Variants in NCAM2 observed in about 807,000 individuals in gnomAD.
NCAM2 encodes N-CAM-2.
A neutral mutation model predicts 98.1 loss-of-function variants in NCAM2; 30 were observed. The observed-to-expected ratio is 0.31, with a 90% CI of 0.23 to 0.41. The LOEUF (loss-of-function observed/expected upper bound fraction) is 0.41. Ranked by LOEUF, NCAM2 falls within the 10% of genes least tolerant of loss-of-function variation. The probability of loss-of-function intolerance (pLI) is 1.00; values close to 1 mark genes in which losing one functional copy is unlikely to be tolerated. For missense variants in NCAM2, 867 were observed against 1,005.8 expected, an observed-to-expected ratio of 0.86 and a Z score of 1.87; for synonymous variants, 368 against 342.4, an observed-to-expected ratio of 1.07 and a Z score of -0.83.
chr21:21,480,002 A>G (rs1317233471), intron 15 of NCAM2, among the ~76,000 whole-genome samples: 1 of 152,118 alleles, frequency 6.6e-6, no homozygotes, highest in Non-Finnish European at 1.5e-5. Flanking sequence ...TGTGAAAAAT[A>G]CAGCACTGAC....
chr21:21,193,854 A>T (rs977241042), intron 1 of NCAM2, among the ~76,000 whole-genome samples: 1 of 152,152 alleles, frequency 6.6e-6, no homozygotes, highest in Non-Finnish European at 1.5e-5. Context: ...ACATATTGTT[A>T]TTCTTGCATT....
intron 12 of NCAM2, among the ~76,000 whole-genome samples, chr21:21,435,200 C>T (rs929075874): frequency 1.3e-5 from 2 of 152,178 alleles, no homozygotes; most frequent in African/African-American, 4.8e-5. Flanking sequence ...CACATTCTCA[C>T]TTAGCTAAGA....
intron 1 of NCAM2, among the ~76,000 whole-genome samples, chr21:21,078,637 T>A (rs6650859): frequency 0.97 from 148,304 of 152,270 alleles, 72,318 homozygotes; most frequent in Middle Eastern, 1. Context: ...GTGATTCCTC[T>A]GGGATCTAGA....
At chr21:21,524,423 GA>G (rs34970781) in intron 16 of NCAM2, among the ~76,000 whole-genome samples, 51,583 of 128,840 alleles carry the variant, frequency 0.4, 9,143 homozygotes, top group Admixed American at 0.53. Flanking sequence ...TCAGCAAGCA[GA>G]AAAAAAAAAA....
intron 9 of NCAM2, among the ~76,000 whole-genome samples, chr21:21,391,140 C>T (rs1247372649): frequency 6.6e-6 from 1 of 152,084 alleles, no homozygotes; most frequent in Non-Finnish European, 1.5e-5. Context: ...ATCATTTGAA[C>T]ACAGACGTTC....
At chr21:21,084,201 G>C (rs2065865232) in intron 1 of NCAM2, among the ~76,000 whole-genome samples, 1 of 152,038 alleles carries the variant, frequency 6.6e-6, no homozygotes, top group African/African-American at 2.4e-5. Context: ...CATTCATGAG[G>C]GTTCTGCCTT....
intron 1 of NCAM2, among the ~76,000 whole-genome samples, chr21:21,056,113 G>A (rs942902990): frequency 5.9e-5 from 9 of 151,900 alleles, no homozygotes; most frequent in African/African-American, 1.9e-4. Context: ...TTTACGCATA[G>A]CAATAAAATA....
At chr21:21,020,917 T>A (rs2064420917) in intron 1 of NCAM2, among the ~76,000 whole-genome samples, 1 of 152,166 alleles carries the variant, frequency 6.6e-6, no homozygotes, top group Admixed American at 6.5e-5. Flanking sequence ...GTACCGTCCA[T>A]GCTTGTTGCA....
rs769090729 is a variant in NCAM2, at chr21:21,335,679, C to T, written c.898+14C>T. 7 of 1,580,516 alleles carry T rather than the reference C, an allele frequency of 4.4e-6. No individual in the cohort carries two copies. Among genetic ancestry groups the T allele is most frequent in the Non-Finnish European group, 6.0e-6 (7 of 1,165,754 alleles). ...TCCAAGTCTTTGGTAAGTATTATAG[C>T]ATAGTGGCTAAAACTGTTATGTCTA... On this transcript the variant is annotated intron_variant, in intron 7 of 17. Transcript: ENST00000400546.
chr21:21,265,677 C>T (rs2072241150), intron 1 of NCAM2, among the ~76,000 whole-genome samples: 1 of 151,436 alleles, frequency 6.6e-6, no homozygotes, highest in Non-Finnish European at 1.5e-5. Flanking sequence ...ACAAATGCCA[C>T]ATATTCTCAC....
rs190660724 is a variant in NCAM2, at chr21:20,998,659, C to T, written c.55+41C>T. Reference sequence around the variant, plus strand: ...TTTATTGCATTTACTTTCCCTCCCCCTTCCACCCGGCCAAGAGAGGCAAAG... The same window carrying T: ...TTTATTGCATTTACTTTCCCTCCCCTTTCCACCCGGCCAAGAGAGGCAAAG... On this transcript the variant is annotated intron_variant, in intron 1 of 17. Transcript: ENST00000400546. The T allele has an allele frequency of 2.5e-6, 4 of 1,592,122 alleles. No homozygotes were observed. In the Admixed American group the frequency reaches 5.0e-5, roughly 20 times the overall value.
chr21:21,529,725 AT>A (rs1342487051), intron 16 of NCAM2, among the ~76,000 whole-genome samples: 1 of 151,882 alleles, frequency 6.6e-6, no homozygotes, highest in Non-Finnish European at 1.5e-5. Context: ...GTGCATGGAC[AT>A]TTACTGTCTT....
rs146877797 is a variant in NCAM2 at position 21,040,062 on chromosome 21, G to T, written c.55+41444G>T. ...CTAGCACATTGTAATTCTCTCTACA[G>T]TCCTCTATTTTAATTTCTGTCATAC... On this transcript the variant is annotated intron_variant, in intron 1 of 17. Coordinates refer to ENST00000400546, the MANE Select transcript of NCAM2 (RefSeq NM_004540.5). Among the ~76,000 whole-genome samples the T allele has an allele frequency of 6.4e-3, 979 of 152,232 alleles. 6 individuals carry two copies. The highest frequency in any genetic ancestry group is 0.041 in the Middle Eastern group (12 of 294).
At chr21:21,287,754 G>T (rs1285355077) in intron 4 of NCAM2, among the ~76,000 whole-genome samples, 1 of 151,890 alleles carries the variant, frequency 6.6e-6, no homozygotes, top group Non-Finnish European at 1.5e-5. Flanking sequence ...TTCCATGCTA[G>T]AGCTCATACG....
chr21:21,506,743 A>G (rs531142579), intron 15 of NCAM2, among the ~76,000 whole-genome samples: 1 of 152,306 alleles, frequency 6.6e-6, no homozygotes, highest in East Asian at 1.9e-4. Context: ...CAATTTTACT[A>G]AACTATCACC....
intron 1 of NCAM2, among the ~76,000 whole-genome samples, chr21:21,279,512 C>T (rs2147486591): frequency 6.6e-6 from 1 of 152,206 alleles, no homozygotes; most frequent in South Asian, 2.1e-4. Flanking sequence ...GCTTCTGCCA[C>T]CACACCCAGC....
At chr21:21,014,797 G>T (rs2064275418) in intron 1 of NCAM2, among the ~76,000 whole-genome samples, 1 of 152,148 alleles carries the variant, frequency 6.6e-6, no homozygotes, top group Non-Finnish European at 1.5e-5. Context: ...ATGGATCTGG[G>T]CAAAGTCAAT....
intron 1 of NCAM2, among the ~76,000 whole-genome samples, chr21:21,057,795 T>C (rs1485093883): frequency 1.3e-5 from 2 of 152,128 alleles, no homozygotes; most frequent in Admixed American, 1.3e-4. Flanking sequence ...CCTGTGCTCC[T>C]AAAAGCTTCA....
intron 1 of NCAM2, among the ~76,000 whole-genome samples, chr21:21,045,551 A>T (rs1400511741): frequency 6.6e-6 from 1 of 152,110 alleles, no homozygotes; most frequent in Non-Finnish European, 1.5e-5. Context: ...CGGAAAACTG[A>T]GGCAGGAGGG....
Sources: allele counts gnomAD v4.1 joint callset (sites outside exome capture counted in the v4.1 genomes callset), GRCh38; gene constraint gnomAD v4.1.1; transcripts MANE v1.5; gene names NCBI Gene and HGNC (gene_info 2026-07-23, HGNC 2026-07-21).